Variants in GPD2 observed in about 807,000 individuals in gnomAD.
GPD2 encodes the protein glycerol-3-phosphate dehydrogenase 2, also known as glycerol-3-phosphate dehydrogenase, mitochondrial.
GPD2 carries 54 observed loss-of-function variants against 82.4 expected under a neutral mutation model. The observed-to-expected ratio is 0.66, with a 90% CI of 0.53 to 0.82. GPD2 has a LOEUF of 0.82. GPD2 is among the 40% of genes least tolerant of loss of function. GPD2 has a pLI of 0.00. For missense variants in GPD2, 748 were observed against 896.2 expected (o/e 0.83, Z 2.11); for synonymous variants, 288 against 306.1 (o/e 0.94, Z 0.62).
intron 1 of GPD2, among the ~76,000 whole-genome samples, chr2:156,462,347 G>A (rs547507268): frequency 1.6e-4 from 25 of 151,910 alleles, no homozygotes; most frequent in African/African-American, 4.8e-4. Context: ...GTCCAATGGC[G>A]TGATCTCGGC....
At chr2:156,515,472 T>C (rs1261898880) in intron 6 of GPD2, among the ~76,000 whole-genome samples, 2 of 152,116 alleles carry the variant, frequency 1.3e-5, no homozygotes, top group South Asian at 2.1e-4. Context: ...TTGTGAATTA[T>C]AGATTCTTAT....
intron 8 of GPD2, among the ~76,000 whole-genome samples, chr2:156,556,842 A>T (rs1686981013): frequency 6.6e-6 from 1 of 152,222 alleles, no homozygotes; most frequent in Non-Finnish European, 1.5e-5. Flanking sequence ...GCACAAGTTC[A>T]TCTAGGCATA....
chr2:156,405,233 A>G, the GPD2 span, among the ~76,000 whole-genome samples: 1 of 152,144 alleles, frequency 6.6e-6, no homozygotes, highest in African/African-American at 2.4e-5. Context: ...AGTGTAGAAA[A>G]GTAAGGAAGA....
intron 3 of GPD2, among the ~76,000 whole-genome samples, chr2:156,497,910 T>G (rs1182774735): frequency 6.6e-6 from 1 of 152,134 alleles, no homozygotes; most frequent in Non-Finnish European, 1.5e-5. Context: ...TTGAGAATAG[T>G]TTTTGAGAAT....
intron 1 of GPD2, among the ~76,000 whole-genome samples, chr2:156,471,854 G>T (rs1368180063): frequency 6.6e-6 from 1 of 152,166 alleles, no homozygotes; most frequent in African/African-American, 2.4e-5. Context: ...TTAATTGCTT[G>T]TGGGCAGTTA....
At chr2:156,543,818 G>A (rs1047604085) in intron 6 of GPD2, among the ~76,000 whole-genome samples, 2 of 152,080 alleles carry the variant, frequency 1.3e-5, no homozygotes, top group Non-Finnish European at 2.9e-5. Flanking sequence ...TGAGGCTGTT[G>A]GAATCATTAT....
chr2:156,486,549 G>T (rs563684415), intron 2 of GPD2, among the ~76,000 whole-genome samples: 3 of 152,300 alleles, frequency 2.0e-5, no homozygotes, highest in African/African-American at 7.2e-5. Context: ...TTCTATAAAT[G>T]CTTTGGGGAG....
chr2:156,551,607 T>C (rs1686762178), intron 8 of GPD2, among the ~76,000 whole-genome samples: 1 of 152,196 alleles, frequency 6.6e-6, no homozygotes, highest in Admixed American at 6.5e-5. Context: ...TGGCATTGTT[T>C]GTAGTTGAGA....
chr2:156,557,653 T>G, intron 9 of GPD2, 71 bp downstream of exon 9: 5 of 864,314 alleles, frequency 5.8e-6, no homozygotes, highest in Non-Finnish European at 9.9e-6. Flanking sequence ...TCTCACTGGA[T>G]AAATGCTATG....
At chr2:156,559,139 C>T (rs1275136083) in intron 9 of GPD2, among the ~76,000 whole-genome samples, 1 of 152,032 alleles carries the variant, frequency 6.6e-6, no homozygotes, top group Non-Finnish European at 1.5e-5. Context: ...CTGGAGAAAC[C>T]ACCTATTCTT....
At chr2:156,578,362 C>T (rs562890077) in intron 13 of GPD2, among the ~76,000 whole-genome samples, 1 of 151,820 alleles carries the variant, frequency 6.6e-6, no homozygotes, top group South Asian at 2.1e-4. Context: ...GATAGCTTCA[C>T]CTTTAATTAC....
intron 1 of GPD2, among the ~76,000 whole-genome samples, chr2:156,439,915 C>T (rs1318336720): frequency 1.3e-5 from 2 of 151,594 alleles, no homozygotes; most frequent in Non-Finnish European, 2.9e-5. Flanking sequence ...TCAGTTTTGA[C>T]AATGGGGTAT....
At chr2:156,465,215 T>C (rs1457489680) in intron 1 of GPD2, among the ~76,000 whole-genome samples, 1 of 152,352 alleles carries the variant, frequency 6.6e-6, no homozygotes, top group East Asian at 1.9e-4. Context: ...GTAGTTACTC[T>C]GTAAGGCTTT....
chr2:156,431,473 T>C (rs1197351875), upstream of GPD2, among the ~76,000 whole-genome samples: 1 of 152,134 alleles, frequency 6.6e-6, no homozygotes, highest in African/African-American at 2.4e-5. Context: ...GAAGGGAAGG[T>C]TTTTGTTTTT....
chr2:156,575,673 T>G (rs1052842465), intron 13 of GPD2, among the ~76,000 whole-genome samples: 2 of 152,126 alleles, frequency 1.3e-5, no homozygotes, highest in African/African-American at 2.4e-5. Flanking sequence ...CCCAAAGTGC[T>G]GGGATCACAG....
Position 156,477,916 on chromosome 2 carries a change from C to T in GPD2, c.102+1709C>T, listed in dbSNP as rs1683569621. On this transcript the variant is annotated intron_variant, in intron 2 of 16. Transcript: ENST00000438166. ...CATTAAGGGATTAGATTACTTCTGC[C>T]ATCTTTACTGGTGCTATCTGAAATG... Among the ~76,000 whole-genome samples the T allele has an allele frequency of 2.0e-5, 3 of 152,094 alleles. No individual in the cohort carries two copies. In the South Asian group the frequency reaches 6.2e-4, roughly 32 times the overall value.
the GPD2 span, among the ~76,000 whole-genome samples, chr2:156,411,527 G>A: frequency 1.3e-5 from 2 of 151,902 alleles, no homozygotes; most frequent in Non-Finnish European, 2.9e-5. Flanking sequence ...TATTGGCCAG[G>A]CTTGTCTTAA....
At chr2:156,481,719 A>G (rs965233833) in intron 2 of GPD2, among the ~76,000 whole-genome samples, 3 of 151,864 alleles carry the variant, frequency 2.0e-5, no homozygotes, top group Non-Finnish European at 4.4e-5. Flanking sequence ...CCTGAGCTCA[A>G]GTTCACCCAC....
chr2:156,466,405 G>C (rs1211511479), intron 1 of GPD2, among the ~76,000 whole-genome samples: 2 of 152,116 alleles, frequency 1.3e-5, no homozygotes, highest in African/African-American at 4.8e-5. Context: ...TGAATATAAT[G>C]AGCTTCATTG....
Sources: allele counts gnomAD v4.1 joint callset (sites outside exome capture counted in the v4.1 genomes callset), GRCh38; gene constraint gnomAD v4.1.1; transcripts MANE v1.5; gene names NCBI Gene and HGNC (gene_info 2026-07-23, HGNC 2026-07-21).